Variants in CMKLR1 observed in about 807,000 individuals in gnomAD.
CMKLR1 encodes chemerin chemokine-like receptor 1.
CMKLR1 carries 6 observed loss-of-function variants against 8.2 expected under a neutral mutation model. The ratio of observed to expected loss-of-function variants is 0.73; its 90% CI spans 0.40 to 1.44. The LOEUF (loss-of-function observed/expected upper bound fraction) is 1.44. Ranked by LOEUF, CMKLR1 falls within the 40% of genes most tolerant of loss-of-function variation. CMKLR1 has a pLI of 0.02. For missense variants in CMKLR1, 429 were observed against 478.0 expected, an observed-to-expected ratio of 0.90 and a Z score of 0.96; for synonymous variants, 178 against 181.2, an observed-to-expected ratio of 0.98 and a Z score of 0.14.
chr12:108,331,891 T>A (rs1458857361), intron 1 of CMKLR1, among the ~76,000 whole-genome samples: 1 of 152,192 alleles, frequency 6.6e-6, no homozygotes, highest in Non-Finnish European at 1.5e-5. Context: ...GAAACCCATT[T>A]GGGACTTCTG....
At chr12:108,335,506 C>A (rs1003571046) in intron 1 of CMKLR1, among the ~76,000 whole-genome samples, 2 of 152,234 alleles carry the variant, frequency 1.3e-5, no homozygotes, top group Non-Finnish European at 2.9e-5. Flanking sequence ...TATAATAAAG[C>A]TCTGCTTTGC....
rs1212388569 is a variant in CMKLR1 at position 108,291,907 on chromosome 12, G to C, written c.1056C>G (p.Ser352Arg). 1 of 1,614,192 alleles carries C rather than the reference G, an allele frequency of 6.2e-7. No homozygotes were observed. Among genetic ancestry groups the C allele is most frequent in the Non-Finnish European group, 8.5e-7 (1 of 1,180,022 alleles). ...CATTCATTGATGACATCTTGGTAAA[G>C]CTTCTATGGCTGGGGTAGGAAGAGT... ...TGHSSYPSHR[S>R]FTKMSSMNER... Residue 352 changes from serine to arginine, a missense_variant, in exon 4 of 4, where the codon AGC becomes AGG. Transcript: ENST00000550402.
chr12:108,315,994 C>T (rs1355865560), intron 2 of CMKLR1, among the ~76,000 whole-genome samples: 1 of 152,194 alleles, frequency 6.6e-6, no homozygotes, highest in African/African-American at 2.4e-5. Flanking sequence ...CACTTGGACC[C>T]TGCGCCTCAG....
chr12:108,322,245 C>T (rs1891879153), intron 2 of CMKLR1, among the ~76,000 whole-genome samples: 2 of 152,146 alleles, frequency 1.3e-5, no homozygotes. Flanking sequence ...GAGAAAGCAC[C>T]CCTTACCTGG....
At chr12:108,325,882 A>G (rs1891971702) in intron 2 of CMKLR1, among the ~76,000 whole-genome samples, 1 of 138,612 alleles carries the variant, frequency 7.2e-6, no homozygotes, top group African/African-American at 2.8e-5. Context: ...AGACAGTTTT[A>G]CCAGTTCTGC....
chr12:108,313,895 G>C lies in CMKLR1; in HGVS notation c.-74+16100C>G, dbSNP rs1447976465. The stretch of plus-strand genomic sequence containing the variant: ...GTGTCAGTGTTGGTTTAGGCCCCTG[G>C]AGTCACACAGGACAAGCCAGCCACC... On this transcript the variant is annotated intron_variant, in intron 2 of 3. Coordinates refer to ENST00000550402, the MANE Select transcript of CMKLR1 (RefSeq NM_001142343.2). Among the ~76,000 whole-genome samples the C allele has an allele frequency of 2.0e-5, 3 of 152,142 alleles. No individual in the cohort carries two copies. The East Asian group carries it at 5.8e-4, about 29-fold the overall frequency.
At chr12:108,335,014 A>G (rs1286564874) in intron 1 of CMKLR1, among the ~76,000 whole-genome samples, 4 of 152,138 alleles carry the variant, frequency 2.6e-5, no homozygotes, top group Non-Finnish European at 5.9e-5. Context: ...AAATTTACTT[A>G]GTATATTTGA....
intron 2 of CMKLR1, among the ~76,000 whole-genome samples, chr12:108,304,921 G>A (rs1305734482): frequency 2.0e-5 from 3 of 152,204 alleles, no homozygotes; most frequent in Non-Finnish European, 4.4e-5. Context: ...GGGCGTAAGA[G>A]CCCATCAGGG....
At chr12:108,311,453 G>A (rs959325654) in intron 2 of CMKLR1, among the ~76,000 whole-genome samples, 25 of 152,022 alleles carry the variant, frequency 1.6e-4, no homozygotes, top group African/African-American at 5.3e-4. Context: ...TGCCTCTAGG[G>A]GAAAAAATTT....
chr12:108,298,037 T>C (rs950156696), intron 2 of CMKLR1, among the ~76,000 whole-genome samples: 1 of 152,192 alleles, frequency 6.6e-6, no homozygotes, highest in African/African-American at 2.4e-5. Context: ...AGGAACAATG[T>C]TGCTTCTCTT....
chr12:108,323,887 C>A (rs1052689877), intron 2 of CMKLR1, among the ~76,000 whole-genome samples: 3 of 152,196 alleles, frequency 2.0e-5, no homozygotes, highest in Non-Finnish European at 4.4e-5. Context: ...GAACTGGCAA[C>A]AGCTAAGCCA....
chr12:108,313,612 G>C lies in CMKLR1; in HGVS notation c.-74+16383C>G, dbSNP rs1021961522. Among the ~76,000 whole-genome samples the C allele has an allele frequency of 2.6e-5, 4 of 152,334 alleles. No homozygotes were observed. The East Asian group carries it at 7.7e-4, about 29-fold the overall frequency. On this transcript the variant is annotated intron_variant, in intron 2 of 3. Coordinates refer to ENST00000550402, the MANE Select transcript of CMKLR1 (RefSeq NM_001142343.2). ...CCTGGTTTGCCAGAAACCAAGGGGTGTCCTGGGATGCAGAATGTAAAGTGC... is the reference window on the plus strand; with the variant it reads ...CCTGGTTTGCCAGAAACCAAGGGGTCTCCTGGGATGCAGAATGTAAAGTGC...
chr12:108,324,128 C>A (rs979057939), intron 2 of CMKLR1, among the ~76,000 whole-genome samples: 1 of 152,152 alleles, frequency 6.6e-6, no homozygotes, highest in African/African-American at 2.4e-5. Context: ...TACTTGGGGT[C>A]CCTGGTGACG....
rs1320484087 is a variant in CMKLR1 at position 108,290,613 on chromosome 12, G to A, written c.*1228C>T. 6.6e-6 allele frequency: 1 copy of A among 152,166 alleles called. No individual in the cohort carries two copies. Among genetic ancestry groups the A allele is most frequent in the Non-Finnish European group, 1.5e-5 (1 of 68,046 alleles). 9.4% of individuals were successfully genotyped at this position (152,166 alleles called of 1,614,324 possible). ...TGGGCAAGTTACTTTCCCCATCTGG[G>A]CCTCAGCTATGTCATTTGTAAATGG... On this transcript the variant is annotated 3_prime_UTR_variant, in exon 4 of 4. Transcript: ENST00000550402.
At chr12:108,296,687 A>G (rs1421568016) in intron 2 of CMKLR1, among the ~76,000 whole-genome samples, 1 of 152,210 alleles carries the variant, frequency 6.6e-6, no homozygotes, top group Non-Finnish European at 1.5e-5. Flanking sequence ...TTAGCCAGGC[A>G]TGGCAACACG....
At chr12:108,311,021 T>C (rs1488619646) in intron 2 of CMKLR1, among the ~76,000 whole-genome samples, 1 of 144,048 alleles carries the variant, frequency 6.9e-6, no homozygotes, top group Non-Finnish European at 1.5e-5. Context: ...TGGGGTCTGG[T>C]GCTGGGGTTC....
At chr12:108,301,174 C>T (rs1891260016) in intron 2 of CMKLR1, among the ~76,000 whole-genome samples, 1 of 146,774 alleles carries the variant, frequency 6.8e-6, no homozygotes, top group African/African-American at 2.5e-5. Context: ...CTCTCGGGTT[C>T]AAGTGATTCT....
At chr12:108,311,391 GGTCACTTATAGCCAGGAGT>G (rs1241683287) in intron 2 of CMKLR1, among the ~76,000 whole-genome samples, 1 of 152,158 alleles carries the variant, frequency 6.6e-6, no homozygotes, top group African/African-American at 2.4e-5. Context: ...GAGGCGGGAG[GGTCACTTATAGCCAGGAGT>G]ACAACACCAG....
rs1442282328 is a variant in CMKLR1, at chr12:108,316,628, C to G, written c.-74+13367G>C. ...GGTTTAACAAGACCCCATGGAGCCA[C>G]CCGGTGTGGGCAGGGAGGGGCCCCA... is the stretch of plus-strand genomic sequence containing the variant. On this transcript the variant is annotated intron_variant, in intron 2 of 3. Coordinates refer to ENST00000550402, the MANE Select transcript of CMKLR1 (RefSeq NM_001142343.2). Among the ~76,000 whole-genome samples, 5 of 152,302 alleles carry G rather than the reference C, an allele frequency of 3.3e-5. No individual in the cohort carries two copies. In the East Asian group the frequency reaches 9.7e-4, roughly 29 times the overall value.
Sources: gnomAD v4.1 joint callset for allele counts (sites outside exome capture counted in the v4.1 genomes callset) on GRCh38, gnomAD v4.1.1 for gene constraint, MANE v1.5 for transcripts, NCBI Gene and HGNC (gene_info 2026-07-23, HGNC 2026-07-21) for gene names.